PDE4B: variants seen among roughly 807,000 people sequenced by gnomAD.
PDE4B encodes the protein 3',5'-cyclic-AMP phosphodiesterase 4B.
PDE4B carries 20 observed loss-of-function variants against 82.2 expected under a neutral mutation model. That is an observed-to-expected ratio of 0.24 (90% CI 0.17 to 0.35). The LOEUF is 0.35. Among genes scored for constraint, PDE4B ranks in the 10% least tolerant of loss-of-function variants. The pLI is 1.00. For missense variants in PDE4B, 655 were observed against 907.2 expected, an observed-to-expected ratio of 0.72 and a Z score of 3.57; for synonymous variants, 320 against 318.9, an observed-to-expected ratio of 1.00 and a Z score of -0.04.
At chr1:66,011,708 C>A (rs1344174603) in intron 3 of PDE4B, among the ~76,000 whole-genome samples, 2 of 151,894 alleles carry the variant, frequency 1.3e-5, no homozygotes, top group Admixed American at 1.3e-4. Context: ...ACAGGTGGGA[C>A]AAAGTTATTT....
At chr1:65,964,295 C>T (rs981093488) in intron 3 of PDE4B, among the ~76,000 whole-genome samples, 18 of 152,054 alleles carry the variant, frequency 1.2e-4, no homozygotes, top group East Asian at 5.8e-4. Context: ...AGCAATAAAA[C>T]GGTTAAACAA....
intron 3 of PDE4B, among the ~76,000 whole-genome samples, chr1:66,059,443 G>A (rs1655472775): frequency 6.6e-6 from 1 of 152,134 alleles, no homozygotes; most frequent in South Asian, 2.1e-4. Flanking sequence ...CTGCTTTCAT[G>A]CTGCTGATAA....
chr1:65,853,764 G>A (rs1418609074), intron 1 of PDE4B, among the ~76,000 whole-genome samples: 2 of 152,098 alleles, frequency 1.3e-5, no homozygotes, highest in Admixed American at 6.6e-5. Flanking sequence ...TCTTGACCTC[G>A]TGATCCGCCC....
At chr1:66,277,003 A>G (rs1189558725) in intron 7 of PDE4B, among the ~76,000 whole-genome samples, 1 of 152,242 alleles carries the variant, frequency 6.6e-6, no homozygotes, top group East Asian at 1.9e-4. Context: ...ATCACTATTT[A>G]TCATTATCAT....
intron 5 of PDE4B, 38 bp from the exon 6 acceptor site, chr1:66,257,755 T>C (rs890699583): frequency 1.2e-6 from 2 of 1,609,614 alleles, no homozygotes; most frequent in Non-Finnish European, 1.7e-6. Flanking sequence ...CCATTTGTCT[T>C]CTTTTGTCCT....
intron 3 of PDE4B, among the ~76,000 whole-genome samples, chr1:66,140,189 G>A (rs1473879583): frequency 6.6e-6 from 1 of 152,090 alleles, no homozygotes; most frequent in Non-Finnish European, 1.5e-5. Flanking sequence ...TGCAAAGGGT[G>A]GAAAGCAGGG....
chr1:66,299,334 T>A (rs1337591199), intron 7 of PDE4B, among the ~76,000 whole-genome samples: 3 of 152,176 alleles, frequency 2.0e-5, no homozygotes. Context: ...TTTGTCTTTC[T>A]GTACCTGACT....
chr1:65,909,323 A>G (rs1206777178), intron 1 of PDE4B, among the ~76,000 whole-genome samples: 1 of 152,192 alleles, frequency 6.6e-6, no homozygotes, highest in Non-Finnish European at 1.5e-5. Flanking sequence ...GGTTTTGTCT[A>G]GCATGTGTCC....
intron 3 of PDE4B, among the ~76,000 whole-genome samples, chr1:66,075,455 G>C (rs1389347584): frequency 6.6e-6 from 1 of 151,982 alleles, no homozygotes; most frequent in Non-Finnish European, 1.5e-5. Flanking sequence ...TATAGTTACT[G>C]GTTTACATGC....
At chr1:66,253,872 T>C (rs1415067788) in intron 4 of PDE4B, among the ~76,000 whole-genome samples, 1 of 152,226 alleles carries the variant, frequency 6.6e-6, no homozygotes, top group African/African-American at 2.4e-5. Flanking sequence ...GTAAAATCCA[T>C]TTTTTGCTTC....
rs574817538 is a variant in PDE4B at position 65,851,413 on chromosome 1, A to G, written c.-71+58165A>G. On this transcript the variant is annotated intron_variant, in intron 1 of 16. Transcript: ENST00000341517. ...TTTTGATTTGGATTAAGTTGACTCT[A>G]TAGATAAATTTAAAGAGAACTAACG... is the stretch of plus-strand genomic sequence containing the variant. 9.9e-5 allele frequency among the ~76,000 whole-genome samples: 15 copies of G among 152,218 alleles called. No homozygotes were observed. In the South Asian group the frequency reaches 2.7e-3, roughly 27 times the overall value.
intron 1 of PDE4B, among the ~76,000 whole-genome samples, chr1:65,901,833 G>C (rs1227239424): frequency 4.0e-5 from 6 of 151,750 alleles, no homozygotes; most frequent in African/African-American, 9.7e-5. Flanking sequence ...TCTTCTGATG[G>C]CTTTGGGATT....
At chr1:66,338,586 A>G (rs1272135428) in intron 8 of PDE4B, among the ~76,000 whole-genome samples, 9 of 152,236 alleles carry the variant, frequency 5.9e-5, no homozygotes, top group Non-Finnish European at 1.3e-4. Context: ...TTTCAGATCA[A>G]TTTGCTCACT....
At chr1:65,907,158 G>A (rs1385260550) in intron 1 of PDE4B, among the ~76,000 whole-genome samples, 1 of 152,040 alleles carries the variant, frequency 6.6e-6, no homozygotes, top group African/African-American at 2.4e-5. Flanking sequence ...TTTTGGGGAG[G>A]AAGCACATTT....
chr1:65,860,806 A>C (rs947335638), intron 1 of PDE4B, among the ~76,000 whole-genome samples: 1 of 152,188 alleles, frequency 6.6e-6, no homozygotes, highest in African/African-American at 2.4e-5. Context: ...AGTGAAGATA[A>C]GCTCTTTTTC....
chr1:66,332,523 A>C lies in PDE4B; in HGVS notation c.650A>C (p.Lys217Thr), dbSNP rs1660199625. The C allele has an allele frequency of 1.2e-6, 2 of 1,614,176 alleles. No individual in the cohort carries two copies. Among genetic ancestry groups the C allele is most frequent in the South Asian group, 1.1e-5 (1 of 91,084 alleles). The part of the protein sequence containing the change: ...RVNPQEESYQ[K>T]LAMETLEELD... ...TTGTTTGCAGAAGAATCTTATCAAA[A>C]ATTAGCAATGGAAACGCTGGAGGAA... The change falls in exon 8 of 17, where the codon AAA (lysine) becomes ACA (threonine). Residue 217 changes from lysine (K) to threonine (T), a missense_variant. By Grantham distance (78) the Lys-to-Thr change is moderately conservative. Transcript: ENST00000341517.
At chr1:66,040,000 A>G (rs1654280220) in intron 3 of PDE4B, among the ~76,000 whole-genome samples, 2 of 152,018 alleles carry the variant, frequency 1.3e-5, no homozygotes, top group Non-Finnish European at 2.9e-5. Flanking sequence ...GAGAGGAAGG[A>G]GCCGGGATTC....
intron 3 of PDE4B, among the ~76,000 whole-genome samples, chr1:65,944,901 C>A (rs1308462178): frequency 6.6e-6 from 1 of 151,898 alleles, no homozygotes; most frequent in Non-Finnish European, 1.5e-5. Flanking sequence ...TAGCTGCTAC[C>A]TGGTCACTTT....
chr1:66,107,889 A>G (rs1238073373), intron 3 of PDE4B, among the ~76,000 whole-genome samples: 1 of 152,020 alleles, frequency 6.6e-6, no homozygotes, highest in East Asian at 1.9e-4. Context: ...AACAGCAACA[A>G]CAAATCTCAA....
Sources: gnomAD v4.1 joint callset for allele counts (sites outside exome capture counted in the v4.1 genomes callset) on GRCh38, gnomAD v4.1.1 for gene constraint, MANE v1.5 for transcripts, NCBI Gene and HGNC (gene_info 2026-07-23, HGNC 2026-07-21) for gene names.